DPH6: variants seen among roughly 807,000 people sequenced by gnomAD.
DPH6 encodes diphthine--ammonia ligase.
Under a neutral mutation model 38.2 loss-of-function variants are expected in DPH6, and 33 were observed. The observed-to-expected ratio is 0.86, with a 90% confidence interval of 0.65 to 1.15. The LOEUF (loss-of-function observed/expected upper bound fraction) is 1.15, where lower values mean the gene tolerates loss of function less well. Ranked by LOEUF, DPH6 falls within the 50% of genes most tolerant of loss-of-function variation. DPH6 has a pLI of 0.00. For synonymous variants in DPH6, 108 were observed against 103.0 expected, an observed-to-expected ratio of 1.05 and a Z score of -0.30; for missense variants, 325 against 320.0, an observed-to-expected ratio of 1.02 and a Z score of -0.12.
At chr15:35,240,567 A>G (rs1407758040) in intron 3 of DPH6, among the ~76,000 whole-genome samples, 2 of 143,500 alleles carry the variant, frequency 1.4e-5, no homozygotes, top group East Asian at 2.2e-4. Flanking sequence ...TCATTCTGTG[A>G]CTAGCCCTCC....
chr15:35,152,362 C>T, the DPH6 span, among the ~76,000 whole-genome samples: 1 of 152,042 alleles, frequency 6.6e-6, no homozygotes, highest in Non-Finnish European at 1.5e-5. Flanking sequence ...TCACAGTTGA[C>T]ATCAGCATAT....
At chr15:35,208,447 C>G in the DPH6 span, among the ~76,000 whole-genome samples, 1 of 152,164 alleles carries the variant, frequency 6.6e-6, no homozygotes, top group Non-Finnish European at 1.5e-5. Flanking sequence ...TAAGAGGCAG[C>G]TAGAGCTGAC....
At chr15:35,354,692 A>G (rs919117412) in intron 3 of DPH6, among the ~76,000 whole-genome samples, 12 of 152,280 alleles carry the variant, frequency 7.9e-5, no homozygotes, top group African/African-American at 2.9e-4. Context: ...CCAGTATTTT[A>G]TTGAGAATTT....
chr15:35,266,577 T>C (rs1198609223), intron 3 of DPH6, among the ~76,000 whole-genome samples: 5 of 152,198 alleles, frequency 3.3e-5, no homozygotes, highest in Non-Finnish European at 7.3e-5. Context: ...GAATCTGTTC[T>C]GATTGGCCAG....
chr15:35,469,063 T>C (rs1650646079), intron 3 of DPH6, among the ~76,000 whole-genome samples: 1 of 117,882 alleles, frequency 8.5e-6, no homozygotes, highest in Non-Finnish European at 1.8e-5. Flanking sequence ...AGAGCAAAAC[T>C]CTGCTTCAAA....
At chr15:35,172,615 G>A in the DPH6 span, among the ~76,000 whole-genome samples, 5 of 152,168 alleles carry the variant, frequency 3.3e-5, no homozygotes, top group African/African-American at 1.2e-4. Context: ...TCATTGATTA[G>A]TCACAATTCA....
intron 3 of DPH6, among the ~76,000 whole-genome samples, chr15:35,250,164 C>A (rs981010186): frequency 1.3e-5 from 2 of 150,690 alleles, no homozygotes; most frequent in Non-Finnish European, 2.9e-5. Context: ...GGTGACACAG[C>A]GAGATTCTGT....
At chr15:35,238,578 T>C (rs1284106510) in intron 3 of DPH6, among the ~76,000 whole-genome samples, 1 of 152,224 alleles carries the variant, frequency 6.6e-6, no homozygotes, top group Non-Finnish European at 1.5e-5. Context: ...TTTCTCTTCT[T>C]GGAAATTTGG....
At chr15:35,296,224 C>T (rs1227756391) in intron 3 of DPH6, among the ~76,000 whole-genome samples, 2 of 152,134 alleles carry the variant, frequency 1.3e-5, no homozygotes, top group Non-Finnish European at 2.9e-5. Flanking sequence ...CAGGTGTGAG[C>T]CACCACGCCT....
chr15:35,197,637 G>T, the DPH6 span, among the ~76,000 whole-genome samples: 2 of 152,176 alleles, frequency 1.3e-5, no homozygotes, highest in South Asian at 4.1e-4. Context: ...ATTGCTTTAG[G>T]GTTTCTAGGT....
At chr15:35,445,168 C>A (rs946006707) in intron 5 of DPH6, among the ~76,000 whole-genome samples, 9 of 152,092 alleles carry the variant, frequency 5.9e-5, no homozygotes, top group African/African-American at 2.2e-4. Flanking sequence ...CCATCTCCCT[C>A]AAGGTGGTCT....
chr15:35,428,073 A>G (rs1055658302), intron 5 of DPH6, among the ~76,000 whole-genome samples: 2 of 152,054 alleles, frequency 1.3e-5, no homozygotes, highest in African/African-American at 4.8e-5. Flanking sequence ...ATTTTTATGT[A>G]TCAAATAGAA....
At chr15:35,396,480 C>T (rs1009355490) in intron 6 of DPH6, 10 of 152,078 alleles carry the variant, frequency 6.6e-5, no homozygotes, top group Admixed American at 2.0e-4. Context: ...TTCCCCTTCC[C>T]CATGTGTTGA....
At chr15:35,173,429 T>G in the DPH6 span, among the ~76,000 whole-genome samples, 1 of 152,230 alleles carries the variant, frequency 6.6e-6, no homozygotes, top group Non-Finnish European at 1.5e-5. Context: ...TATAGGCCAC[T>G]GTCATTTGTA....
rs72705107 is a variant in DPH6 at position 35,429,045 on chromosome 15, G to C, written c.506-18149C>G. ...AGGATTTTTTCTATGAATGACTTTT[G>C]CACAGAATTGAGATCCAATTGTTTA... On this transcript the variant is annotated intron_variant, in intron 5 of 8. Coordinates refer to ENST00000256538, the MANE Select transcript of DPH6 (RefSeq NM_080650.4). 1.7e-3 allele frequency among the ~76,000 whole-genome samples: 255 copies of C among 152,136 alleles called. 1 individual carries two copies. Among genetic ancestry groups the C allele is most frequent in the East Asian group, 4.2e-3 (22 of 5,188 alleles).
intron 3 of DPH6, among the ~76,000 whole-genome samples, chr15:35,317,009 G>A (rs1285323024): frequency 6.6e-6 from 1 of 152,192 alleles, no homozygotes; most frequent in Non-Finnish European, 1.5e-5. Context: ...TGTAATCCCA[G>A]CTGTTTGTAA....
intron 3 of DPH6, among the ~76,000 whole-genome samples, chr15:35,359,094 C>A (rs557313959): frequency 6.6e-6 from 1 of 152,062 alleles, no homozygotes; most frequent in African/African-American, 2.4e-5. Flanking sequence ...ATTCTCAGGT[C>A]ACTGGAGTTG....
At position 35,400,892 on chromosome 15, in the gene DPH6, T is replaced by C. The variant is rs562339784; in HGVS notation, c.567+9943A>G. The C allele has an allele frequency of 2.1e-5, 20 of 967,454 alleles. No individual in the cohort carries two copies. The East Asian group carries it at 3.8e-4, about 18-fold the overall frequency. 59.9% of individuals were successfully genotyped at this position (967,454 alleles called of 1,614,324 possible). A position where few individuals can be genotyped will look rare whatever the true frequency, so the allele number is the denominator to read the frequency against. ...GTCTCATATGCCACTGTGGAGGAGG[T>C]GGATGCAGCCATGAATGCAAGGCCA... On this transcript the variant is annotated intron_variant, in intron 6 of 8. Coordinates refer to ENST00000256538, the MANE Select transcript of DPH6 (RefSeq NM_080650.4).
the DPH6 span, among the ~76,000 whole-genome samples, chr15:35,157,636 T>C: frequency 6.6e-6 from 1 of 152,094 alleles, no homozygotes; most frequent in Non-Finnish European, 1.5e-5. Context: ...AGGCTCCCTC[T>C]TGCTCTTCTG....
Sources: allele counts gnomAD v4.1 joint callset (sites outside exome capture counted in the v4.1 genomes callset), GRCh38; gene constraint gnomAD v4.1.1; transcripts MANE v1.5; gene names NCBI Gene and HGNC (gene_info 2026-07-23, HGNC 2026-07-21).